NR1D1: variants seen among roughly 807,000 people sequenced by gnomAD.
The protein encoded by NR1D1 is nuclear receptor subfamily 1 group D member 1.
In NR1D1, 17 loss-of-function variants were observed where a neutral mutation model predicts 51.1. The ratio of observed to expected loss-of-function variants is 0.33; its 90% CI spans 0.23 to 0.50. The LOEUF is 0.50. Ranked by LOEUF, NR1D1 falls within the 20% of genes least tolerant of loss-of-function variation. NR1D1 has a pLI of 0.98. For missense variants in NR1D1, 647 were observed against 830.4 expected (o/e 0.78, Z 2.71); for synonymous variants, 341 against 333.4 (o/e 1.02, Z -0.25).
At chr17:40,099,678 G>C (rs1269677363) in intron 1 of NR1D1, among the ~76,000 whole-genome samples, 2 of 152,172 alleles carry the variant, frequency 1.3e-5, no homozygotes, top group Admixed American at 6.5e-5. Context: ...AGACAAGAGG[G>C]GAGGGGGTCC....
At chr17:40,096,198 A>C in intron 4 of NR1D1, 111 bp from the exon 5 acceptor site, 1 of 1,463,402 alleles carries the variant, frequency 6.8e-7, no homozygotes, top group East Asian at 2.3e-5. Flanking sequence ...TTTCACATCA[A>C]AACTAAAACC....
intron 4 of NR1D1, 138 bp from the exon 5 acceptor site, chr17:40,096,225 T>A: frequency 7.4e-7 from 1 of 1,359,804 alleles, no homozygotes; most frequent in South Asian, 1.4e-5. Flanking sequence ...TCCCCACCCA[T>A]CAAGGGGGTT....
At chr17:40,099,967 C>CA (rs1273743094) in intron 1 of NR1D1, 97 bp downstream of exon 1, 34 of 894,934 alleles carry the variant, frequency 3.8e-5, no homozygotes, top group South Asian at 3.2e-4. Flanking sequence ...GGCCGAGGGA[C>CA]ACCCCAGTCC....
At chr17:40,095,196 C>T (rs1418940652) in intron 5 of NR1D1, 76 bp from the exon 6 acceptor site, 2 of 1,433,738 alleles carry the variant, frequency 1.4e-6, no homozygotes, top group East Asian at 2.4e-5. Flanking sequence ...AGAGCTGGAC[C>T]CCAGATTCTG....
At position 40,095,572 on chromosome 17, in the gene NR1D1, C is replaced by G; in HGVS notation, c.1120G>C (p.Ala374Pro). Residue 374 changes from alanine (A) to proline (P), a missense_variant, in exon 5 of 8, where the codon GCA becomes CCA. Physicochemically the swap from Ala to Pro is conservative, Grantham distance 27. This residue lies in a region of NR1D1 where 185 missense variants were observed against 176.3 expected (regional missense o/e 1.05). Transcript: ENST00000246672. ...TTGGACTGGTGGCAGCTGTGGTGTG[C>G]AGGGCCAGGAGGCCAGGTGGGAGGG... is the stretch of plus-strand genomic sequence containing the variant. ...SYPPTWPPGPAHHSCHQSNSN... is the reference protein window; with the variant it reads ...SYPPTWPPGPPHHSCHQSNSN... 1 of 1,609,870 alleles carries G rather than the reference C, an allele frequency of 6.2e-7. No homozygotes were observed. The highest frequency in any genetic ancestry group is 8.5e-7 in the Non-Finnish European group (1 of 1,177,694).
Position 40,097,065 on chromosome 17 carries a change from T to C in NR1D1, c.370A>G (p.Lys124Glu), listed in dbSNP as rs1470933316. The change falls in exon 2 of 8, where the codon AAG becomes GAG. Residue 124 changes from lysine (K) to glutamate (E), a missense_variant and splice_region_variant. Coordinates refer to ENST00000246672, the MANE Select transcript of NR1D1 (RefSeq NM_021724.5). ...CCGAATCAGCTGGAAAGGTACTCAC[T>C]GGTGATGTTGCTGGTGCTCTTGCTG... ...SPSKSTSNIT[K>E]LNGMVLLCKV... The C allele has an allele frequency of 6.3e-7, 1 of 1,593,420 alleles. No homozygotes were observed. Among genetic ancestry groups the C allele is most frequent in the Non-Finnish European group, 8.6e-7 (1 of 1,169,144 alleles).
chr17:40,097,494 A>G, intron 1 of NR1D1, 91 bp from the exon 2 acceptor site: 1 of 1,014,678 alleles, frequency 9.9e-7, no homozygotes, highest in Non-Finnish European at 1.5e-6. Context: ...TCTGCCCAAA[A>G]CATTGCTGGC....
Position 40,094,091 on chromosome 17 carries a change from T to C in NR1D1, c.1466A>G (p.Asn489Ser). 1 of 1,613,940 alleles carries C rather than the reference T, an allele frequency of 6.2e-7. No individual in the cohort carries two copies. Among genetic ancestry groups the C allele is most frequent in the Non-Finnish European group, 8.5e-7 (1 of 1,180,024 alleles). Residue 489 changes from asparagine to serine, a missense_variant, in exon 7 of 8, where the codon AAC (asparagine) becomes AGC (serine). By Grantham distance (46) the Asn-to-Ser change is conservative. Coordinates refer to ENST00000246672, the MANE Select transcript of NR1D1 (RefSeq NM_021724.5). ...VLMVRFASLF[N>S]VKDQTVMFLS... The stretch of plus-strand genomic sequence containing the variant: ...GAACATCACTGTCTGGTCCTTCACG[T>C]TGAACAACGAAGCAAAGCGCACCAT...
At chr17:40,098,696 AAAAG>A (rs974177452) in intron 1 of NR1D1, among the ~76,000 whole-genome samples, 1 of 152,188 alleles carries the variant, frequency 6.6e-6, no homozygotes, top group African/African-American at 2.4e-5. Context: ...CTGTGAGAAA[AAAAG>A]GACAGTATCA....
chr17:40,096,784 G>A lies in NR1D1; in HGVS notation c.371-5C>T, dbSNP rs749316846. 1.3e-5 allele frequency: 21 copies of A among 1,614,022 alleles called. No individual in the cohort carries two copies. Among genetic ancestry groups the A allele is most frequent in the Admixed American group, 1.7e-5 (1 of 60,032 alleles). On this transcript the variant is annotated splice_polypyrimidine_tract_variant and splice_region_variant and intron_variant, in intron 2 of 7. Transcript: ENST00000246672. ...GTAACACCATGCCATTCAGCTCTGT[G>A]GAAGAGACGGGCAGCAGGTGAGCAG...
chr17:40,099,289 A>T (rs1567661522), intron 1 of NR1D1, among the ~76,000 whole-genome samples: 3 of 152,344 alleles, frequency 2.0e-5, no homozygotes, highest in East Asian at 3.9e-4. Context: ...ACCCCGAACG[A>T]TAGCAGGGCC....
rs1987852063 is a variant in NR1D1 at position 40,100,253 on chromosome 17, G to T, written c.-159C>A. The T allele has an allele frequency of 8.8e-6, 6 of 679,236 alleles. No homozygotes were observed. The highest frequency in any genetic ancestry group is 1.8e-5 in the African/African-American group (1 of 56,606). 42.1% of individuals were successfully genotyped at this position (679,236 alleles called of 1,614,324 possible). ...CACCCTGCAGCAAGGTCTTGGGGTG[G>T]CCGGACTGCAGCCCTGCAGAAGGGT... is the stretch of plus-strand genomic sequence containing the variant. On this transcript the variant is annotated 5_prime_UTR_variant, in exon 1 of 8. Transcript: ENST00000246672.
chr17:40,099,464 G>C (rs1987833066), intron 1 of NR1D1, among the ~76,000 whole-genome samples: 1 of 152,148 alleles, frequency 6.6e-6, no homozygotes, highest in African/African-American at 2.4e-5. Context: ...CTAGAGCCAT[G>C]TGAGCCCTCC....
At position 40,100,145 on chromosome 17, in the gene NR1D1, G is replaced by C. The variant is rs1567661783; in HGVS notation, c.-51C>G. The C allele has an allele frequency of 1.3e-6, 2 of 1,513,992 alleles. No homozygotes were observed. Among genetic ancestry groups the C allele is most frequent in the Non-Finnish European group, 1.8e-6 (2 of 1,089,330 alleles). The allele number at this position is 1,513,992 out of a possible 1,614,324, so 93.8% of individuals were successfully genotyped here. On this transcript the variant is annotated 5_prime_UTR_variant, in exon 1 of 8. Transcript: ENST00000246672. ...TCAAACTGGACCTTGACTCAAACTA[G>C]AGGTTGCGATCGCCGCTGTTGCCCC...
rs1455585943 is a variant in NR1D1, at chr17:40,096,291, A to G, written c.604+152T>C. The G allele has an allele frequency of 7.7e-6, 10 of 1,302,052 alleles. No homozygotes were observed. The Admixed American group carries it at 1.0e-4, about 14-fold the overall frequency. 80.7% of individuals were successfully genotyped at this position (1,302,052 alleles called of 1,614,324 possible). ...CCCGAGGGACCAATGGGATAGAAGT[A>G]TATGTTGACCCAAGCAAATGAAGGA... On this transcript the variant is annotated intron_variant, in intron 4 of 7. Transcript: ENST00000246672.
rs1200787242 is a variant in NR1D1, at chr17:40,093,982, C to A, written c.1575G>T (p.Glu525Asp). The change falls in exon 7 of 8, where the codon GAG becomes GAT. Residue 525 changes from glutamate to aspartate, a missense_variant. Coordinates refer to ENST00000246672, the MANE Select transcript of NR1D1 (RefSeq NM_021724.5). The surrounding 1 kb of genome is among the most constrained non-coding windows in gnomAD (Gnocchi z 5.9). ...DLLSAMFDFS[E>D]KLNSLALTEE... Reference sequence around the variant, plus strand: ...CGGTAAGCGCCAGGGAGTTGAGCTTCTCGCTGAAGTCGAACATGGCACTGA... The same window carrying A: ...CGGTAAGCGCCAGGGAGTTGAGCTTATCGCTGAAGTCGAACATGGCACTGA... 6.2e-7 allele frequency: 1 copy of A among 1,614,060 alleles called. No individual in the cohort carries two copies. Among genetic ancestry groups the A allele is most frequent in the Admixed American group, 1.7e-5 (1 of 60,026 alleles).
intron 4 of NR1D1, 47 bp downstream of exon 4, chr17:40,096,396 A>G (rs1421620305): frequency 2.5e-6 from 4 of 1,612,488 alleles, no homozygotes; most frequent in Non-Finnish European, 3.4e-6. Flanking sequence ...ATTAATTCAG[A>G]AACTTTGGGC....
At position 40,093,967 on chromosome 17, in the gene NR1D1, C is replaced by A. The variant is rs1298373587; in HGVS notation, c.1590G>T (p.Leu530=). ...GGCCCAGCTCCTCCTCGGTAAGCGC[C>A]AGGGAGTTGAGCTTCTCGCTGAAGT... The part of the protein sequence containing the change: ...MFDFSEKLNS[L]ALTEEELGLF... Residue 530 remains leucine, a synonymous_variant, in exon 7 of 8, where the codon CTG becomes CTT. Transcript: ENST00000246672. This position sits in a 1 kb window ranked among gnomAD's most constrained non-coding sequence, Gnocchi z 5.9. The A allele has an allele frequency of 1.2e-6, 2 of 1,614,040 alleles. No homozygotes were observed. The highest frequency in any genetic ancestry group is 4.5e-5 in the East Asian group (2 of 44,884).
chr17:40,100,143 T>C lies in NR1D1; in HGVS notation c.-49A>G, dbSNP rs755805978. 2 of 1,523,898 alleles carry C rather than the reference T, an allele frequency of 1.3e-6. No individual in the cohort carries two copies. Among genetic ancestry groups the C allele is most frequent in the East Asian group, 4.5e-5 (2 of 44,466 alleles). 94.4% of individuals were successfully genotyped at this position (1,523,898 alleles called of 1,614,324 possible). A position where few individuals can be genotyped will look rare whatever the true frequency, so the allele number is the denominator to read the frequency against. The stretch of plus-strand genomic sequence containing the variant: ...ATTCAAACTGGACCTTGACTCAAAC[T>C]AGAGGTTGCGATCGCCGCTGTTGCC... On this transcript the variant is annotated 5_prime_UTR_variant, in exon 1 of 8. Coordinates refer to ENST00000246672, the MANE Select transcript of NR1D1 (RefSeq NM_021724.5).
Sources: allele counts gnomAD v4.1 joint callset (sites outside exome capture counted in the v4.1 genomes callset), GRCh38; gene constraint gnomAD v4.1.1; regional missense constraint gnomAD v4.1.1; non-coding constraint Gnocchi (gnomAD v3.1); transcripts MANE v1.5; gene names NCBI Gene and HGNC (gene_info 2026-07-23, HGNC 2026-07-21).